POU2AF2: variants seen among roughly 807,000 people sequenced by gnomAD.
The protein encoded by POU2AF2 is POU class 2 homeobox associating factor 2.
the POU2AF2 span, among the ~76,000 whole-genome samples, chr11:111,278,087 C>G: frequency 2.0e-5 from 3 of 152,154 alleles, no homozygotes; most frequent in African/African-American, 7.2e-5. Flanking sequence ...ACCCATAAAT[C>G]AAAAGGTTTG....
the POU2AF2 span, among the ~76,000 whole-genome samples, chr11:111,266,612 A>G: frequency 0.012 from 1,858 of 152,226 alleles, 17 homozygotes; most frequent in Non-Finnish European, 0.021. Flanking sequence ...TCCCCTTCCC[A>G]CCTGTTCAGT....
the POU2AF2 span, chr11:111,281,464 A>G: frequency 6.2e-7 from 1 of 1,611,522 alleles, no homozygotes; most frequent in Non-Finnish European, 8.5e-7. Context: ...TTCAATAAGC[A>G]ATTATTCCCT....
At chr11:111,264,547 A>G in the POU2AF2 span, among the ~76,000 whole-genome samples, 10 of 71,474 alleles carry the variant, frequency 1.4e-4, no homozygotes, top group African/African-American at 5.1e-4. Flanking sequence ...AAAGAAAGAA[A>G]GAAAGAAAGA....
the POU2AF2 span, among the ~76,000 whole-genome samples, chr11:111,274,273 A>G: frequency 6.6e-6 from 1 of 152,128 alleles, no homozygotes; most frequent in Non-Finnish European, 1.5e-5. Context: ...CCAACTGAAG[A>G]GGTCCATTAT....
chr11:111,274,447 G>T, the POU2AF2 span, among the ~76,000 whole-genome samples: 1 of 152,014 alleles, frequency 6.6e-6, no homozygotes, highest in South Asian at 2.1e-4. Context: ...TCATCAAATT[G>T]TACCCTTAAA....
the POU2AF2 span, among the ~76,000 whole-genome samples, chr11:111,262,347 A>G: frequency 6.6e-6 from 1 of 152,192 alleles, no homozygotes; most frequent in African/African-American, 2.4e-5. Flanking sequence ...ACAGATGTGC[A>G]TTGTCTATCT....
At chr11:111,253,256 TA>T in the POU2AF2 span, among the ~76,000 whole-genome samples, 2 of 152,204 alleles carry the variant, frequency 1.3e-5, no homozygotes, top group Non-Finnish European at 2.9e-5. Flanking sequence ...ATCAGTGTTA[TA>T]GGCATTCCAA....
At chr11:111,284,022 C>T in the POU2AF2 span, 12 of 1,550,860 alleles carry the variant, frequency 7.7e-6, no homozygotes, top group Non-Finnish European at 1.1e-5. Flanking sequence ...GCAACCGAGG[C>T]CTTGACCGCC....
At chr11:111,284,668 T>C in the POU2AF2 span, among the ~76,000 whole-genome samples, 1 of 152,124 alleles carries the variant, frequency 6.6e-6, no homozygotes, top group Admixed American at 6.5e-5. Flanking sequence ...TGCCTGATGT[T>C]CCCCCACCCT....
chr11:111,282,478 A>G, the POU2AF2 span, among the ~76,000 whole-genome samples: 4 of 152,228 alleles, frequency 2.6e-5, no homozygotes, highest in East Asian at 7.7e-4. Flanking sequence ...ACAGGTTTTG[A>G]TGGGGAATTT....
chr11:111,272,512 C>T, the POU2AF2 span, among the ~76,000 whole-genome samples: 676 of 152,308 alleles, frequency 4.4e-3, 11 homozygotes, highest in East Asian at 0.036. Flanking sequence ...AGAACCCAGA[C>T]ATTAGTTGTC....
the POU2AF2 span, among the ~76,000 whole-genome samples, chr11:111,259,397 C>A: frequency 6.7e-6 from 1 of 150,002 alleles, no homozygotes; most frequent in African/African-American, 2.5e-5. Flanking sequence ...CTCACTGCAA[C>A]CTCTGCCTCC....
chr11:111,264,262 G>A, the POU2AF2 span, among the ~76,000 whole-genome samples: 3 of 151,896 alleles, frequency 2.0e-5, no homozygotes, highest in African/African-American at 4.8e-5. Flanking sequence ...TTGGGAGGCC[G>A]AGGTGGGCAG....
the POU2AF2 span, chr11:111,256,013 A>G: frequency 2.5e-6 from 1 of 399,238 alleles, no homozygotes; most frequent in East Asian, 3.6e-5. Context: ...CGAGTGTATC[A>G]AGGAGTGAGA....
the POU2AF2 span, among the ~76,000 whole-genome samples, chr11:111,258,692 A>T: frequency 1.3e-5 from 2 of 152,236 alleles, no homozygotes; most frequent in African/African-American, 2.4e-5. Context: ...ATTTCATTTT[A>T]AAATACAGAT....
At chr11:111,284,083 G>A in the POU2AF2 span, 1 of 1,609,942 alleles carries the variant, frequency 6.2e-7, no homozygotes, top group African/African-American at 1.3e-5. Flanking sequence ...CAGGTTCGCC[G>A]GTCACGTCAG....
the POU2AF2 span, among the ~76,000 whole-genome samples, chr11:111,246,619 G>A: frequency 6.6e-6 from 1 of 152,156 alleles, no homozygotes; most frequent in Non-Finnish European, 1.5e-5. Flanking sequence ...AAGGTAAGAA[G>A]ATAGAAAGAG....
chr11:111,257,502 G>A, the POU2AF2 span, among the ~76,000 whole-genome samples: 653 of 151,976 alleles, frequency 4.3e-3, no homozygotes, highest in Non-Finnish European at 7.5e-3. Context: ...CCAAGTAGCT[G>A]GGATTACAGG....
the POU2AF2 span, among the ~76,000 whole-genome samples, chr11:111,265,078 A>C: frequency 6.6e-6 from 1 of 152,094 alleles, no homozygotes; most frequent in Non-Finnish European, 1.5e-5. Flanking sequence ...GAGCAGGAGT[A>C]GAATCCAAGC....
Sources: gnomAD v4.1 joint callset for allele counts (sites outside exome capture counted in the v4.1 genomes callset) on GRCh38, gnomAD v4.1.1 for gene constraint, MANE v1.5 for transcripts, NCBI Gene and HGNC (gene_info 2026-07-23, HGNC 2026-07-21) for gene names.